Variants in SEL1L3 observed in about 807,000 individuals in gnomAD.
SEL1L3 encodes protein sel-1 homolog 3.
SEL1L3 carries 76 observed loss-of-function variants against 142.8 expected under a neutral mutation model. The ratio of observed to expected loss-of-function variants is 0.53; its 90% CI spans 0.44 to 0.64. The LOEUF (loss-of-function observed/expected upper bound fraction) is 0.64, where lower values mean the gene tolerates loss of function less well. SEL1L3 is among the 30% of genes least tolerant of loss of function. The pLI, the probability that SEL1L3 is intolerant of heterozygous loss-of-function variation, is 0.00. For missense variants in SEL1L3, 1,262 were observed against 1,381.7 expected (o/e 0.91, Z 1.37); for synonymous variants, 504 against 519.6 (o/e 0.97, Z 0.41).
intron 20 of SEL1L3, among the ~76,000 whole-genome samples, chr4:25,761,085 A>C (rs1718342779): frequency 6.6e-6 from 1 of 152,136 alleles, no homozygotes; most frequent in Non-Finnish European, 1.5e-5. Flanking sequence ...GCACACACAC[A>C]CTCACACAAC....
At chr4:25,835,045 C>G (rs1289096255) in intron 3 of SEL1L3, among the ~76,000 whole-genome samples, 152 bp downstream of exon 3, 3 of 152,176 alleles carry the variant, frequency 2.0e-5, no homozygotes, top group Non-Finnish European at 1.5e-5. Context: ...TCAGGTCCAC[C>G]AATTCTGTCT....
intron 2 of SEL1L3, 42 bp downstream of exon 2, chr4:25,847,252 G>GA (rs752738857): frequency 7.2e-6 from 11 of 1,517,640 alleles, no homozygotes; most frequent in Admixed American, 5.8e-5. Context: ...CAGGCTATCT[G>GA]AAAAAATGAG....
At chr4:25,725,433 C>T in the SEL1L3 span, among the ~76,000 whole-genome samples, 2 of 151,666 alleles carry the variant, frequency 1.3e-5, no homozygotes, top group South Asian at 2.1e-4. Context: ...CTCCTGCCTC[C>T]GCCTCTTGAG....
intron 9 of SEL1L3, among the ~76,000 whole-genome samples, chr4:25,814,472 T>C (rs909153060): frequency 1.3e-5 from 2 of 152,242 alleles, no homozygotes; most frequent in Admixed American, 1.3e-4. Flanking sequence ...TCCATTCTTA[T>C]AGCTTATCTC....
intron 6 of SEL1L3, 36 bp downstream of exon 6, chr4:25,830,062 A>G (rs374207727): frequency 4.2e-6 from 6 of 1,425,808 alleles, no homozygotes; most frequent in Admixed American, 1.7e-5. Flanking sequence ...ACTCGCATGC[A>G]GGCAAATTTT....
In SEL1L3 at chr4:25,858,484, A is replaced by C. The variant is rs143858679; in HGVS notation, c.162+4191T>G. ...GGCCACTTACAGGGAATCCTGTACA[A>C]GGCTCTGTCACAGCCGCTGTCTGCT... is the stretch of plus-strand genomic sequence containing the variant. On this transcript the variant is annotated intron_variant, in intron 1 of 23. Transcript: ENST00000399878. 8.6e-3 allele frequency among the ~76,000 whole-genome samples: 1,309 copies of C among 152,284 alleles called. 17 individuals are homozygous for C. Among genetic ancestry groups the C allele is most frequent in the African/African-American group, 0.03 (1,232 of 41,558 alleles).
rs761382330 is a variant in SEL1L3 at position 25,804,646 on chromosome 4, G to C, written c.1671C>G (p.Ile557Met). The change falls in exon 10 of 24, where the codon ATC becomes ATG. Residue 557 changes from isoleucine (I) to methionine (M), a missense_variant. Ile to Met is a conservative substitution (Grantham distance 10). Transcript: ENST00000399878. ...SIDGLHQISS[I>M]VPFLTDSSCC... ...AGCTGGAATCCGTCAGAAAGGGGAC[G>C]ATAGAGCTAATTTGGTGAAGACCAT... is the stretch of plus-strand genomic sequence containing the variant. The C allele has an allele frequency of 6.2e-7, 1 of 1,613,402 alleles. No individual in the cohort carries two copies. The highest frequency in any genetic ancestry group is 8.5e-7 in the Non-Finnish European group (1 of 1,179,436).
chr4:25,776,363 G>GAAA lies in SEL1L3; in HGVS notation c.2586-6_2586-4dup. On this transcript the variant is annotated splice_region_variant and splice_polypyrimidine_tract_variant and intron_variant, in intron 16 of 23. Transcript: ENST00000399878. Reference sequence around the variant, plus strand: ...TCTCAGCTACATGTTTTGCCCATCTGAAAAAAAAAAGGGAAGAGAAAATAC... The same window carrying GAAA: ...TCTCAGCTACATGTTTTGCCCATCTGAAAAAAAAAAAAAGGGAAGAGAAAATAC... 2.9e-6 allele frequency: 4 copies of GAAA among 1,398,562 alleles called. No individual in the cohort carries two copies. In the South Asian group the frequency reaches 4.0e-5, roughly 14 times the overall value. 86.6% of individuals were successfully genotyped at this position (1,398,562 alleles called of 1,614,324 possible).
chr4:25,832,944 C>CT, intron 5 of SEL1L3, 51 bp downstream of exon 5: 1 of 1,192,270 alleles, frequency 8.4e-7, no homozygotes, highest in Non-Finnish European at 1.2e-6. Flanking sequence ...CAATGCTTAA[C>CT]TTTAAGCGAA....
At chr4:25,739,531 C>T in the SEL1L3 span, among the ~76,000 whole-genome samples, 1 of 151,942 alleles carries the variant, frequency 6.6e-6, no homozygotes, top group Admixed American at 6.6e-5. Flanking sequence ...ATGGTGAAAT[C>T]CCATCGCTAC....
chr4:25,723,003 C>A, the SEL1L3 span, among the ~76,000 whole-genome samples: 1 of 152,074 alleles, frequency 6.6e-6, no homozygotes, highest in Non-Finnish European at 1.5e-5. Context: ...GAGAGTGTCC[C>A]GGCCTGACCC....
chr4:25,806,017 G>A lies in SEL1L3; in HGVS notation c.1565-1265C>T, dbSNP rs1440880224. Among the ~76,000 whole-genome samples the A allele has an allele frequency of 2.0e-5, 3 of 150,914 alleles. No homozygotes were observed. The South Asian group carries it at 6.3e-4, about 32-fold the overall frequency. ...TTCCGTGAAAAATTAAAATGTTGTG[G>A]GTTTTTTTTGTTTTGTTTTGTTTGT... On this transcript the variant is annotated intron_variant, in intron 9 of 23. Coordinates refer to ENST00000399878, the MANE Select transcript of SEL1L3 (RefSeq NM_015187.5).
the SEL1L3 span, among the ~76,000 whole-genome samples, chr4:25,737,041 A>G: frequency 6.8e-6 from 1 of 148,118 alleles, no homozygotes; most frequent in Non-Finnish European, 1.5e-5. Flanking sequence ...CTGGAGTGCA[A>G]TGGCACAGTC....
At chr4:25,768,972 G>C (rs1718961151) in intron 17 of SEL1L3, among the ~76,000 whole-genome samples, 1 of 151,442 alleles carries the variant, frequency 6.6e-6, no homozygotes, top group African/African-American at 2.4e-5. Context: ...TTATTTCTGG[G>C]TGGTGAGAAT....
chr4:25,741,958 G>A, the SEL1L3 span, among the ~76,000 whole-genome samples: 1 of 151,784 alleles, frequency 6.6e-6, no homozygotes, highest in Non-Finnish European at 1.5e-5. Flanking sequence ...ACAGGCACCT[G>A]CCACCATGCC....
intron 2 of SEL1L3, among the ~76,000 whole-genome samples, chr4:25,841,852 C>T (rs138076473): frequency 4.6e-5 from 7 of 152,170 alleles, no homozygotes; most frequent in Non-Finnish European, 4.4e-5. Flanking sequence ...ACCAGCTACT[C>T]GGGAGGCTGA....
chr4:25,841,766 C>A (rs1364937717), intron 2 of SEL1L3, among the ~76,000 whole-genome samples: 2 of 152,158 alleles, frequency 1.3e-5, no homozygotes, highest in Non-Finnish European at 2.9e-5. Context: ...TTGAGACCAG[C>A]CTGGCCAACA....
chr4:25,800,008 A>G (rs1263368974), intron 11 of SEL1L3, among the ~76,000 whole-genome samples: 1 of 152,238 alleles, frequency 6.6e-6, no homozygotes, highest in Non-Finnish European at 1.5e-5. Context: ...AGAAACAAAC[A>G]GAAGTACTAG....
chr4:25,733,829 T>C, the SEL1L3 span, among the ~76,000 whole-genome samples: 1 of 152,182 alleles, frequency 6.6e-6, no homozygotes, highest in Admixed American at 6.5e-5. Flanking sequence ...TGTTTGTTTT[T>C]ACAAAGGACT....
Sources: allele counts gnomAD v4.1 joint callset (sites outside exome capture counted in the v4.1 genomes callset), GRCh38; gene constraint gnomAD v4.1.1; transcripts MANE v1.5; gene names NCBI Gene and HGNC (gene_info 2026-07-23, HGNC 2026-07-21).